Variants in STX5 observed in about 807,000 individuals in gnomAD.
The protein encoded by STX5 is syntaxin-5.
STX5 carries 15 observed loss-of-function variants against 42.9 expected under a neutral mutation model. The observed-to-expected ratio is 0.35, with a 90% confidence interval of 0.23 to 0.54. The LOEUF (loss-of-function observed/expected upper bound fraction) is 0.54. Among genes scored for constraint, STX5 ranks in the 20% least tolerant of loss-of-function variants. STX5 has a pLI of 0.91. For synonymous variants in STX5, 184 were observed against 173.2 expected, an observed-to-expected ratio of 1.06 and a Z score of -0.49; for missense variants, 430 against 455.0, an observed-to-expected ratio of 0.95 and a Z score of 0.50.
At chr11:62,812,236 C>T (rs967183194) in intron 10 of STX5, among the ~76,000 whole-genome samples, 1 of 151,562 alleles carries the variant, frequency 6.6e-6, no homozygotes, top group Non-Finnish European at 1.5e-5. Flanking sequence ...CGCCACCATG[C>T]CTGGCTAATT....
intron 10 of STX5, among the ~76,000 whole-genome samples, chr11:62,813,347 T>C (rs1256236499): frequency 6.6e-6 from 1 of 152,172 alleles, no homozygotes; most frequent in East Asian, 1.9e-4. Context: ...CGGTACCTTA[T>C]AAATGGCTGG....
At chr11:62,824,088 C>G in intron 10 of STX5, 78 bp downstream of exon 10, 28 of 1,596,496 alleles carry the variant, frequency 1.8e-5, no homozygotes, top group Non-Finnish European at 2.4e-5. Flanking sequence ...AGGCATCAAG[C>G]AGTCCCTGGG....
intron 10 of STX5, among the ~76,000 whole-genome samples, chr11:62,812,887 C>A (rs1472037192): frequency 6.6e-6 from 1 of 151,050 alleles, no homozygotes; most frequent in Admixed American, 6.6e-5. Context: ...CCGAGGTGGG[C>A]GGATCACGAG....
At chr11:62,826,567 T>TAATA (rs528848297) in intron 5 of STX5, among the ~76,000 whole-genome samples, 257 of 149,040 alleles carry the variant, frequency 1.7e-3, no homozygotes, top group African/African-American at 5.6e-3. Context: ...CAAAAAATAA[T>TAATA]AATAAATAAA....
chr11:62,822,398 A>G (rs1265875144), intron 10 of STX5, among the ~76,000 whole-genome samples: 3 of 152,102 alleles, frequency 2.0e-5, no homozygotes, highest in Non-Finnish European at 4.4e-5. Flanking sequence ...ATGGCTCCCT[A>G]TGTCACTCAG....
chr11:62,823,670 C>A (rs750201946), intron 10 of STX5, among the ~76,000 whole-genome samples: 4 of 152,172 alleles, frequency 2.6e-5, no homozygotes, highest in Non-Finnish European at 4.4e-5. Context: ...CTCAGCCTCT[C>A]GAGTAGCTGG....
chr11:62,819,081 C>T (rs1288673943), intron 10 of STX5, among the ~76,000 whole-genome samples: 2 of 147,950 alleles, frequency 1.4e-5, no homozygotes, highest in African/African-American at 2.5e-5. Flanking sequence ...ATTAGCCGGG[C>T]ATGGTGGTGG....
At chr11:62,814,490 T>A (rs896796525) in intron 10 of STX5, among the ~76,000 whole-genome samples, 1 of 148,056 alleles carries the variant, frequency 6.8e-6, no homozygotes, top group African/African-American at 2.5e-5. Flanking sequence ...TAGATAAGAG[T>A]CTCACTCTGT....
At chr11:62,827,008 CCA>C in intron 5 of STX5, 145 bp downstream of exon 5, 2 of 680,602 alleles carry the variant, frequency 2.9e-6, no homozygotes, top group Non-Finnish European at 5.0e-6. Flanking sequence ...CTAGGTCACA[CCA>C]CTACACTCCA....
chr11:62,807,703 GA>G, intron 10 of STX5, 75 bp from the exon 11 acceptor site: 11 of 1,575,044 alleles, frequency 7.0e-6, no homozygotes, highest in Non-Finnish European at 8.6e-6. Context: ...TCCATTTATT[GA>G]CATGGAAAGA....
chr11:62,831,637 T>C (rs1051605891), intron 1 of STX5, among the ~76,000 whole-genome samples: 1 of 152,208 alleles, frequency 6.6e-6, no homozygotes, highest in African/African-American at 2.4e-5. Flanking sequence ...GGAGGGCCAG[T>C]GACGGACCTC....
At chr11:62,811,057 C>G (rs997691121) in intron 10 of STX5, among the ~76,000 whole-genome samples, 2 of 152,164 alleles carry the variant, frequency 1.3e-5, no homozygotes, top group Non-Finnish European at 2.9e-5. Context: ...ACACATTTCT[C>G]TCTCTGCTTT....
intron 1 of STX5, among the ~76,000 whole-genome samples, chr11:62,831,548 A>C (rs1200860855): frequency 1.3e-5 from 2 of 151,958 alleles, no homozygotes; most frequent in African/African-American, 4.8e-5. Context: ...CGTGGTCCTG[A>C]GACTCCGGCC....
At chr11:62,807,771 G>A (rs2084569346) in intron 10 of STX5, 143 bp from the exon 11 acceptor site, 5 of 1,422,918 alleles carry the variant, frequency 3.5e-6, no homozygotes, top group Non-Finnish European at 4.7e-6. Flanking sequence ...GGCTTTGGAA[G>A]GGTACTATAA....
chr11:62,821,897 G>T (rs534174542), intron 10 of STX5, among the ~76,000 whole-genome samples: 1 of 151,960 alleles, frequency 6.6e-6, no homozygotes, highest in Admixed American at 6.6e-5. Context: ...GTGGTCTCAC[G>T]CACTTGCAGT....
intron 10 of STX5, among the ~76,000 whole-genome samples, chr11:62,813,438 A>G (rs974832729): frequency 6.6e-6 from 1 of 152,152 alleles, no homozygotes; most frequent in Non-Finnish European, 1.5e-5. Context: ...AGAACCCCCT[A>G]TGGAATTTGT....
chr11:62,824,664 C>G, intron 8 of STX5, 99 bp from the exon 9 acceptor site: 1 of 1,137,460 alleles, frequency 8.8e-7, no homozygotes, highest in Non-Finnish European at 1.3e-6. Flanking sequence ...ACTTACTAGC[C>G]TTGTGACCCT....
Position 62,831,195 on chromosome 11 carries a change from A to G in STX5, c.49T>C (p.Tyr17His). Reference sequence around the variant, plus strand: ...ACCTGTGTCTTTGAGAGACCCAGGTAGACACCCTGATCCGTGTTCTTAGAC... The same window carrying G: ...ACCTGTGTCTTTGAGAGACCCAGGTGGACACCCTGATCCGTGTTCTTAGAC... ...YGSKNTDQGV[Y>H]LGLSKTQVLS... The change falls in exon 2 of 11, where the codon TAC becomes CAC. Residue 17 changes from tyrosine to histidine, a missense_variant. Tyr to His is a moderately conservative substitution (Grantham distance 83). Coordinates refer to ENST00000294179, the MANE Select transcript of STX5 (RefSeq NM_003164.5). 1.9e-6 allele frequency: 3 copies of G among 1,566,536 alleles called. No individual in the cohort carries two copies. In the South Asian group the frequency reaches 3.5e-5, roughly 18 times the overall value.
intron 2 of STX5, among the ~76,000 whole-genome samples, chr11:62,828,455 A>G (rs929889881): frequency 1.2e-4 from 19 of 152,236 alleles, no homozygotes; most frequent in African/African-American, 4.6e-4. Flanking sequence ...GGCCGGGTGC[A>G]GTGGCTCACG....
Sources: allele counts gnomAD v4.1 joint callset (sites outside exome capture counted in the v4.1 genomes callset), GRCh38; gene constraint gnomAD v4.1.1; transcripts MANE v1.5; gene names NCBI Gene and HGNC (gene_info 2026-07-23, HGNC 2026-07-21).